ENOX1: variants seen among roughly 807,000 people sequenced by gnomAD.
The protein encoded by ENOX1 is candidate growth-related and time keeping constitutive hydroquinone (NADH) oxidase.
In ENOX1, 42 loss-of-function variants were observed where a neutral mutation model predicts 82.5. The observed-to-expected ratio is 0.51, with a 90% CI of 0.40 to 0.66. The LOEUF is 0.66. ENOX1 is among the 30% of genes least tolerant of loss of function. ENOX1 has a pLI of 0.00. For missense variants in ENOX1, 608 were observed against 811.6 expected, an observed-to-expected ratio of 0.75 and a Z score of 3.05; for synonymous variants, 271 against 282.2, an observed-to-expected ratio of 0.96 and a Z score of 0.40.
intron 1 of ENOX1, among the ~76,000 whole-genome samples, chr13:43,678,871 C>T (rs191823208): frequency 6.6e-6 from 1 of 152,114 alleles, no homozygotes; most frequent in Non-Finnish European, 1.5e-5. Context: ...GTATATAAAA[C>T]CCTGTTGTAA....
chr13:43,561,984 G>GAAGA (rs1228731707), intron 2 of ENOX1, among the ~76,000 whole-genome samples: 1 of 121,076 alleles, frequency 8.3e-6, no homozygotes, highest in African/African-American at 3.1e-5. Context: ...AGGAAGGAAG[G>GAAGA]AAGAGAGAGA....
chr13:43,225,523 C>T (rs1397832957), intron 15 of ENOX1, among the ~76,000 whole-genome samples: 1 of 152,160 alleles, frequency 6.6e-6, no homozygotes, highest in African/African-American at 2.4e-5. Context: ...CCTTCATGTT[C>T]TGTTTTTTGT....
chr13:43,735,056 T>G (rs534106979), intron 1 of ENOX1, among the ~76,000 whole-genome samples: 139 of 152,290 alleles, frequency 9.1e-4, no homozygotes, highest in South Asian at 1.7e-3. Context: ...GCTTCAGATA[T>G]CCCAACTAAA....
chr13:43,689,875 C>T (rs2086263305), intron 1 of ENOX1, among the ~76,000 whole-genome samples: 1 of 152,140 alleles, frequency 6.6e-6, no homozygotes, highest in Admixed American at 6.5e-5. Flanking sequence ...TCTCCACCAC[C>T]CAAACCATCC....
chr13:43,387,428 A>G (rs960710527), intron 5 of ENOX1, among the ~76,000 whole-genome samples: 7 of 152,118 alleles, frequency 4.6e-5, no homozygotes, highest in African/African-American at 1.4e-4. Flanking sequence ...GAGCAAACCT[A>G]GCATGTTTCA....
At chr13:43,301,400 C>T (rs143653258) in intron 11 of ENOX1, among the ~76,000 whole-genome samples, 15 of 151,956 alleles carry the variant, frequency 9.9e-5, no homozygotes, top group African/African-American at 3.6e-4. Context: ...GAAAGTGTAC[C>T]ATCCATTATT....
At chr13:43,220,473 C>A (rs2041729607) in intron 16 of ENOX1, among the ~76,000 whole-genome samples, 1 of 152,158 alleles carries the variant, frequency 6.6e-6, no homozygotes, top group Admixed American at 6.5e-5. Context: ...AGTCTCAAAT[C>A]ATTTCATAAC....
chr13:43,564,403 C>T (rs181298209), intron 2 of ENOX1, among the ~76,000 whole-genome samples: 85 of 151,768 alleles, frequency 5.6e-4, no homozygotes, highest in Non-Finnish European at 9.1e-4. Flanking sequence ...ACACTATGTA[C>T]ATACAAAAAT....
intron 2 of ENOX1, among the ~76,000 whole-genome samples, chr13:43,624,644 A>T (rs188987599): frequency 1.1e-4 from 17 of 152,194 alleles, no homozygotes; most frequent in Admixed American, 2.6e-4. Context: ...TTATTTAAAG[A>T]GCATCTTGTC....
chr13:43,691,605 T>C (rs1344725402), intron 1 of ENOX1, among the ~76,000 whole-genome samples: 1 of 152,024 alleles, frequency 6.6e-6, no homozygotes, highest in Non-Finnish European at 1.5e-5. Context: ...CTGCCTAGTA[T>C]GTACCTCCTC....
intron 1 of ENOX1, among the ~76,000 whole-genome samples, chr13:43,695,220 A>G (rs2086572984): frequency 6.6e-6 from 1 of 151,602 alleles, no homozygotes; most frequent in African/African-American, 2.4e-5. Context: ...AAGGTAACCC[A>G]TGATTAGCAG....
Position 43,269,464 on chromosome 13 carries a change from A to G in ENOX1, c.1554+6T>C. ...TTCATAAATCAGAGCTGTTTCATTC[A>G]CTTACTTGTTCCTGCAGGACTTTTA... On this transcript the variant is annotated splice_donor_region_variant and intron_variant, in intron 13 of 16. Transcript: ENST00000690772. 1 of 1,609,214 alleles carries G rather than the reference A, an allele frequency of 6.2e-7. No homozygotes were observed. Among genetic ancestry groups the G allele is most frequent in the Non-Finnish European group, 8.5e-7 (1 of 1,175,592 alleles).
chr13:43,351,242 A>G, intron 8 of ENOX1, among the ~76,000 whole-genome samples: 1 of 152,196 alleles, frequency 6.6e-6, no homozygotes. Flanking sequence ...AGACAGCATA[A>G]AAGGCTAAAC....
intron 2 of ENOX1, among the ~76,000 whole-genome samples, chr13:43,582,350 A>G (rs1309298815): frequency 3.9e-5 from 6 of 152,162 alleles, no homozygotes; most frequent in Non-Finnish European, 8.8e-5. Flanking sequence ...TAAACATTCC[A>G]TCCAGGGAGT....
chr13:43,458,766 A>T (rs1006150495), intron 3 of ENOX1, among the ~76,000 whole-genome samples: 1 of 152,142 alleles, frequency 6.6e-6, no homozygotes, highest in Non-Finnish European at 1.5e-5. Flanking sequence ...CTGTGGTTAG[A>T]TGATTTTGAA....
intron 1 of ENOX1, among the ~76,000 whole-genome samples, chr13:43,741,134 G>A (rs1002036238): frequency 4.7e-5 from 7 of 149,866 alleles, no homozygotes; most frequent in African/African-American, 1.7e-4. Context: ...ATCCAGGCTG[G>A]AGTGCAATGG....
chr13:43,766,344 C>T (rs746195096), intron 1 of ENOX1, among the ~76,000 whole-genome samples: 7 of 152,236 alleles, frequency 4.6e-5, no homozygotes, highest in Non-Finnish European at 7.3e-5. Flanking sequence ...ACATTTTCCT[C>T]TAAAGACCTA....
chr13:43,367,937 C>A (rs1478137903), intron 5 of ENOX1, among the ~76,000 whole-genome samples: 1 of 152,134 alleles, frequency 6.6e-6, no homozygotes, highest in Non-Finnish European at 1.5e-5. Context: ...AAACCAGTCT[C>A]CTGGAAGCAG....
intron 16 of ENOX1, among the ~76,000 whole-genome samples, chr13:43,223,163 C>G (rs2078173075): frequency 6.6e-6 from 1 of 152,226 alleles, no homozygotes; most frequent in Admixed American, 6.5e-5. Flanking sequence ...GGACACAGCA[C>G]TGCAGTCTGC....
Sources: gnomAD v4.1 joint callset for allele counts (sites outside exome capture counted in the v4.1 genomes callset) on GRCh38, gnomAD v4.1.1 for gene constraint, MANE v1.5 for transcripts, NCBI Gene and HGNC (gene_info 2026-07-23, HGNC 2026-07-21) for gene names.